The following DIP2C variants were observed in gnomAD, a reference collection of about 807,000 sequenced individuals.
DIP2C encodes DIP2 acetate--CoA ligase C (putative).
A neutral mutation model predicts 192.4 loss-of-function variants in DIP2C; 33 were observed. The observed-to-expected ratio is 0.17, with a 90% CI of 0.13 to 0.23. The LOEUF is 0.23. DIP2C is among the 10% of genes least tolerant of loss of function. The pLI, the probability that DIP2C is intolerant of heterozygous loss-of-function variation, is 1.00. For missense variants in DIP2C, 1,537 were observed against 2,110.1 expected (o/e 0.73, Z 5.32); for synonymous variants, 979 against 864.1 (o/e 1.13, Z -2.33).
chr10:626,876 A>G (rs1854238200), intron 1 of DIP2C, among the ~76,000 whole-genome samples: 1 of 152,222 alleles, frequency 6.6e-6, no homozygotes, highest in Non-Finnish European at 1.5e-5. Flanking sequence ...TTCGTGAACG[A>G]ATCAGTTAAA....
intron 1 of DIP2C, among the ~76,000 whole-genome samples, chr10:490,871 G>T (rs1009117133): frequency 1.3e-5 from 2 of 152,182 alleles, no homozygotes; most frequent in Non-Finnish European, 2.9e-5. Flanking sequence ...TACTTTGGAA[G>T]TGAAAACCCC....
intron 32 of DIP2C, among the ~76,000 whole-genome samples, chr10:300,628 G>A (rs963226247): frequency 8.1e-5 from 12 of 147,262 alleles, no homozygotes; most frequent in African/African-American, 2.5e-4. Flanking sequence ...GAACCCAGGC[G>A]CGGCCCTGAG....
intron 4 of DIP2C, among the ~76,000 whole-genome samples, chr10:438,379 G>A (rs1478687904): frequency 6.6e-6 from 1 of 152,190 alleles, no homozygotes; most frequent in Admixed American, 6.5e-5. Context: ...AATATTTCAA[G>A]TGGGTTATCC....
Position 417,766 on chromosome 10 carries a change from AC to A in DIP2C, c.739+1298del, listed in dbSNP as rs1299050093. 6.0e-4 allele frequency among the ~76,000 whole-genome samples: 41 copies of A among 68,038 alleles called. 3 individuals are homozygous for A. Among genetic ancestry groups the A allele is most frequent in the East Asian group, 8.1e-4 (1 of 1,232 alleles). 44.6% of individuals were successfully genotyped at this position (68,038 alleles called of 152,430 possible). On this transcript the variant is annotated intron_variant, in intron 6 of 36. Transcript: ENST00000280886. ...AGGGCTCGGATAGGCATCCCTGTCC[AC>A]CTGCACCTGTCAGGGCTCGGATAGG...
At chr10:502,093 C>T (rs1845274626) in intron 1 of DIP2C, among the ~76,000 whole-genome samples, 1 of 152,220 alleles carries the variant, frequency 6.6e-6, no homozygotes, top group African/African-American at 2.4e-5. Flanking sequence ...TTGCACTGAG[C>T]TATGATTCCA....
chr10:297,925 A>T (rs1470483671), intron 32 of DIP2C, among the ~76,000 whole-genome samples: 1 of 152,228 alleles, frequency 6.6e-6, no homozygotes, highest in Non-Finnish European at 1.5e-5. Context: ...TGTTAATTTT[A>T]TAAAAAGTTA....
intron 1 of DIP2C, among the ~76,000 whole-genome samples, chr10:514,537 G>A (rs892027570): frequency 2.0e-5 from 3 of 152,180 alleles, no homozygotes; most frequent in Non-Finnish European, 2.9e-5. Flanking sequence ...GGGCCTCACC[G>A]CATGGCCGTC....
At chr10:378,512 CGTGAACACACATGCACAAAGACACAT>C (rs1961919324) in intron 17 of DIP2C, among the ~76,000 whole-genome samples, 1 of 150,736 alleles carries the variant, frequency 6.6e-6, no homozygotes. Context: ...CATAAAGACA[CGTGAACACACATGCACAAAGACACAT>C]GTGAACACAT....
chr10:289,652 A>G (rs906963608), intron 32 of DIP2C, among the ~76,000 whole-genome samples: 30 of 152,232 alleles, frequency 2.0e-4, no homozygotes, highest in Admixed American at 6.5e-4. Context: ...ATGTACCAAG[A>G]AGGAGGATGA....
In DIP2C at chr10:345,178, G is replaced by C. The variant is rs1255902261; in HGVS notation, c.3232-68C>G. 5 of 1,416,850 alleles carry C rather than the reference G, an allele frequency of 3.5e-6. No homozygotes were observed. In the South Asian group the frequency reaches 6.0e-5, roughly 17 times the overall value. The allele number at this position is 1,416,850 out of a possible 1,614,324, so 87.8% of individuals were successfully genotyped here. A position where few individuals can be genotyped will look rare whatever the true frequency, so the allele number is the denominator to read the frequency against. On this transcript the variant is annotated intron_variant, in intron 26 of 36. Transcript: ENST00000280886. ...GATGAAAGCGTGCTCACTTCACACG[G>C]GTCTCCTGCTTACTACATACACTAA...
At chr10:417,924 T>TCGATAGGCCTCCCTGTCCACCTGCA (rs1564686095) in intron 6 of DIP2C, among the ~76,000 whole-genome samples, 1 of 26,236 alleles carries the variant, frequency 3.8e-5, no homozygotes, top group Non-Finnish European at 9.3e-5. Flanking sequence ...GTCCACCTGT[T>TCGATAGGCCTCCCTGTCCACCTGCA]CCTGTCAGGG....
At chr10:518,057 A>G (rs1473100311) in intron 1 of DIP2C, among the ~76,000 whole-genome samples, 1 of 152,236 alleles carries the variant, frequency 6.6e-6, no homozygotes, top group Admixed American at 6.5e-5. Context: ...CATCACATGG[A>G]AAGCACACCC....
chr10:364,055 C>T (rs1251244665), intron 20 of DIP2C, among the ~76,000 whole-genome samples: 2 of 152,172 alleles, frequency 1.3e-5, no homozygotes, highest in African/African-American at 2.4e-5. Context: ...CTCTCCAACC[C>T]GCTCCACGAT....
intron 29 of DIP2C, 168 bp downstream of exon 29, chr10:341,031 C>T (rs764125645): frequency 2.9e-5 from 28 of 977,104 alleles, no homozygotes; most frequent in South Asian, 4.0e-5. Flanking sequence ...CTGCTTTCCC[C>T]GAGAGCCAAG....
intron 1 of DIP2C, among the ~76,000 whole-genome samples, chr10:644,057 G>A (rs1276684704): frequency 6.6e-6 from 1 of 152,228 alleles, no homozygotes; most frequent in Non-Finnish European, 1.5e-5. Context: ...GGAAGCTGCG[G>A]CTGTTTTAAA....
intron 1 of DIP2C, among the ~76,000 whole-genome samples, chr10:619,372 C>T (rs933191148): frequency 3.3e-5 from 5 of 152,218 alleles, no homozygotes; most frequent in South Asian, 2.1e-4. Context: ...TCCGGGGAAG[C>T]GACCGTCTCC....
At chr10:522,623 C>T (rs1846785377) in intron 1 of DIP2C, among the ~76,000 whole-genome samples, 1 of 152,286 alleles carries the variant, frequency 6.6e-6, no homozygotes, top group African/African-American at 2.4e-5. Context: ...CGCCCTACGA[C>T]ATAAGACACG....
chr10:568,918 T>C (rs1186117805), intron 1 of DIP2C, among the ~76,000 whole-genome samples: 1 of 151,298 alleles, frequency 6.6e-6, no homozygotes, highest in Non-Finnish European at 1.5e-5. Flanking sequence ...CAAGGCACGC[T>C]CCGTATTTTA....
intron 1 of DIP2C, among the ~76,000 whole-genome samples, chr10:544,133 G>A (rs534999852): frequency 2.0e-5 from 3 of 150,656 alleles, no homozygotes; most frequent in African/African-American, 2.5e-5. Context: ...GAGTGGAATC[G>A]CACAGTGCGT....
Sources: allele counts gnomAD v4.1 joint callset (sites outside exome capture counted in the v4.1 genomes callset), GRCh38; gene constraint gnomAD v4.1.1; transcripts MANE v1.5; gene names NCBI Gene and HGNC (gene_info 2026-07-23, HGNC 2026-07-21).